DPYD: variants seen among roughly 807,000 people sequenced by gnomAD.
DPYD encodes dihydropyrimidine dehydrogenase [NADP(+)].
A neutral mutation model predicts 116.2 loss-of-function variants in DPYD; 109 were observed. The observed-to-expected ratio is 0.94, with a 90% confidence interval of 0.80 to 1.10. The LOEUF is 1.10. Ranked by LOEUF, DPYD falls within the 50% of genes least tolerant of loss-of-function variation. The pLI is 0.00. For synonymous variants in DPYD, 440 were observed against 432.0 expected (o/e 1.02, Z -0.23); for missense variants, 1,302 against 1,254.5 (o/e 1.04, Z -0.57).
chr1:97,891,970 A>G lies in DPYD; in HGVS notation c.40-8596T>C, dbSNP rs78197009. On this transcript the variant is annotated intron_variant, in intron 1 of 22. Transcript: ENST00000370192. ...CATGTTGCTGACATTTTGTACTTACATGCTTAAGATGATAAACTAAGTTTT... is the reference window on the plus strand; with the variant it reads ...CATGTTGCTGACATTTTGTACTTACGTGCTTAAGATGATAAACTAAGTTTT... Among the ~76,000 whole-genome samples, 534 of 151,996 alleles carry G rather than the reference A, an allele frequency of 3.5e-3. 2 individuals carry two copies. Among genetic ancestry groups the G allele is most frequent in the African/African-American group, 0.012 (496 of 41,542 alleles).
At chr1:97,146,247 TAG>T (rs1394858656) in intron 20 of DPYD, among the ~76,000 whole-genome samples, 1 of 152,178 alleles carries the variant, frequency 6.6e-6, no homozygotes, top group East Asian at 1.9e-4. Context: ...TGTTGACAAG[TAG>T]AGAGAGTATT....
intron 16 of DPYD, among the ~76,000 whole-genome samples, chr1:97,350,890 T>C (rs1670104122): frequency 6.6e-6 from 1 of 152,166 alleles, no homozygotes; most frequent in Admixed American, 6.5e-5. Context: ...AGCAGTGCCT[T>C]ACCAAGGCTG....
intron 8 of DPYD, among the ~76,000 whole-genome samples, chr1:97,623,739 G>T (rs570153483): frequency 6.6e-6 from 1 of 151,694 alleles, no homozygotes; most frequent in Non-Finnish European, 1.5e-5. Flanking sequence ...ATACAACAAA[G>T]CTAGAGTAAT....
rs1277475678 is a variant in DPYD, at chr1:97,640,055, C to T, written c.850+39040G>A. ...CAAAAGCAACCCAAAGTTAATCAGA[C>T]ATCAGAAAATCTATCTGTCTAGTCT... On this transcript the variant is annotated intron_variant, in intron 8 of 22. Transcript: ENST00000370192. Among the ~76,000 whole-genome samples the T allele has an allele frequency of 3.9e-5, 6 of 152,170 alleles. No individual in the cohort carries two copies. The South Asian group carries it at 1.2e-3, about 32-fold the overall frequency.
At chr1:97,472,539 C>T (rs1306307435) in intron 13 of DPYD, among the ~76,000 whole-genome samples, 1 of 152,084 alleles carries the variant, frequency 6.6e-6, no homozygotes, top group Non-Finnish European at 1.5e-5. Flanking sequence ...GTTGTGCAAC[C>T]AAAACAAAAC....
chr1:97,858,558 A>G (rs1670963438), intron 2 of DPYD, among the ~76,000 whole-genome samples: 1 of 152,146 alleles, frequency 6.6e-6, no homozygotes, highest in South Asian at 2.1e-4. Context: ...AGTCCCATTA[A>G]CATTGGCTGT....
In DPYD at chr1:97,602,981, T is replaced by A. The variant is rs1054070572; in HGVS notation, c.851-7815A>T. 2.6e-5 allele frequency among the ~76,000 whole-genome samples: 4 copies of A among 152,016 alleles called. No homozygotes were observed. The South Asian group carries it at 8.3e-4, about 31-fold the overall frequency. Reference sequence around the variant, plus strand: ...TTATCCTCATTACTCTGCTTTATGGTATTATTTATTAAAGTATACTTTGTC... The same window carrying A: ...TTATCCTCATTACTCTGCTTTATGGAATTATTTATTAAAGTATACTTTGTC... On this transcript the variant is annotated intron_variant, in intron 8 of 22. Coordinates refer to ENST00000370192, the MANE Select transcript of DPYD (RefSeq NM_000110.4).
At chr1:97,744,675 T>A (rs1664449330) in intron 3 of DPYD, among the ~76,000 whole-genome samples, 1 of 152,044 alleles carries the variant, frequency 6.6e-6, no homozygotes, top group Non-Finnish European at 1.5e-5. Context: ...ATATTTAATG[T>A]TCTACATCAT....
chr1:97,281,922 C>T (rs536571778), intron 18 of DPYD, among the ~76,000 whole-genome samples: 4 of 152,046 alleles, frequency 2.6e-5, no homozygotes, highest in Non-Finnish European at 5.9e-5. Flanking sequence ...TCAAAAATAG[C>T]TCACCATTGC....
intron 2 of DPYD, among the ~76,000 whole-genome samples, chr1:97,842,061 A>G (rs1168697266): frequency 6.6e-6 from 1 of 151,896 alleles, no homozygotes; most frequent in East Asian, 1.9e-4. Flanking sequence ...CTTCTCTAGT[A>G]GTCAGAGGCT....
chr1:97,306,236 A>G lies in DPYD; in HGVS notation c.2120T>C (p.Phe707Ser). 6.2e-7 allele frequency: 1 copy of G among 1,612,578 alleles called. No homozygotes were observed. The highest frequency in any genetic ancestry group is 8.5e-7 in the Non-Finnish European group (1 of 1,178,958). ...AGTGACATTTGGGGTCAGCTTGGCA[A>G]AAAAAGGAATCTGAACAGCTTGCCT... is the stretch of plus-strand genomic sequence containing the variant. The part of the protein sequence containing the change: ...WVRQAVQIPF[F>S]AKLTPNVTDI... The change falls in exon 17 of 23, where the codon TTT becomes TCT. Residue 707 changes from phenylalanine (F) to serine (S), a missense_variant. By Grantham distance (155) the Phe-to-Ser change is radical (BLOSUM62 -2). Transcript: ENST00000370192.
At chr1:97,592,458 C>G (rs1654587947) in intron 10 of DPYD, among the ~76,000 whole-genome samples, 1 of 152,164 alleles carries the variant, frequency 6.6e-6, no homozygotes, top group African/African-American at 2.4e-5. Context: ...GCTCCGCCTC[C>G]CGGGTTCACG....
chr1:97,523,971 A>G (rs1648872321), intron 12 of DPYD, among the ~76,000 whole-genome samples: 1 of 152,162 alleles, frequency 6.6e-6, no homozygotes, highest in Admixed American at 6.6e-5. Context: ...GGTAAATTTT[A>G]TATTATGTAT....
At chr1:97,185,435 A>C (rs1657928442) in intron 20 of DPYD, among the ~76,000 whole-genome samples, 1 of 152,166 alleles carries the variant, frequency 6.6e-6, no homozygotes, top group Admixed American at 6.5e-5. Context: ...GTTTCTTGTA[A>C]AACTTATGCA....
At chr1:97,277,889 G>A (rs1427464291) in intron 18 of DPYD, among the ~76,000 whole-genome samples, 1 of 152,130 alleles carries the variant, frequency 6.6e-6, no homozygotes. Context: ...TCTCTGGTTA[G>A]TCCTCCAATC....
intron 3 of DPYD, among the ~76,000 whole-genome samples, chr1:97,781,745 C>T (rs1666760007): frequency 6.6e-6 from 1 of 152,126 alleles, no homozygotes; most frequent in South Asian, 2.1e-4. Flanking sequence ...TCTAAAGAAA[C>T]CCTAAAAATT....
intron 3 of DPYD, among the ~76,000 whole-genome samples, chr1:97,822,446 A>G (rs1380152499): frequency 6.7e-6 from 1 of 149,596 alleles, no homozygotes; most frequent in Non-Finnish European, 1.5e-5. Context: ...TGTTATATAC[A>G]TATAATTGCC....
intron 1 of DPYD, among the ~76,000 whole-genome samples, chr1:97,887,023 C>T (rs1672530611): frequency 6.6e-6 from 1 of 151,920 alleles, no homozygotes; most frequent in South Asian, 2.1e-4. Context: ...CTGGGTGTGA[C>T]ATTACTACAG....
At chr1:97,827,496 T>C (rs566896830) in intron 3 of DPYD, among the ~76,000 whole-genome samples, 1 of 152,188 alleles carries the variant, frequency 6.6e-6, no homozygotes, top group African/African-American at 2.4e-5. Context: ...TGAAAAATGC[T>C]TCACTAAAAG....
Sources: allele counts gnomAD v4.1 joint callset (sites outside exome capture counted in the v4.1 genomes callset), GRCh38; gene constraint gnomAD v4.1.1; transcripts MANE v1.5; gene names NCBI Gene and HGNC (gene_info 2026-07-23, HGNC 2026-07-21).